Variants in LRCH2 observed in about 807,000 individuals in gnomAD.
LRCH2 encodes the protein leucine rich repeats and calponin homology domain containing 2.
LRCH2 carries 38 observed loss-of-function variants against 68.9 expected under a neutral mutation model. The ratio of observed to expected loss-of-function variants is 0.55; its 90% CI spans 0.43 to 0.72. The LOEUF (loss-of-function observed/expected upper bound fraction) is 0.72. LRCH2 is among the 30% of genes least tolerant of loss of function. LRCH2 has a pLI of 0.00. For missense variants in LRCH2, 528 were observed against 572.9 expected, an observed-to-expected ratio of 0.92 and a Z score of 0.80; for synonymous variants, 191 against 208.1, an observed-to-expected ratio of 0.92 and a Z score of 0.71.
At chrX:115,125,607 G>GTATATATATA (rs200758748) in intron 16 of LRCH2, among the ~76,000 whole-genome samples, 1 of 18,508 alleles carries the variant, frequency 5.4e-5, no homozygotes, top group Admixed American at 6.4e-4. Context: ...ATATATATAC[G>GTATATATATA]TATATATATA....
At chrX:115,159,700 G>A (rs901481474) in intron 11 of LRCH2, among the ~76,000 whole-genome samples, 4 of 104,832 alleles carry the variant, frequency 3.8e-5, no homozygotes, top group African/African-American at 1.1e-4. Context: ...GCAGTGAACC[G>A]AGATCACGCC....
rs781782796 is a variant in LRCH2 at position 115,184,452 on chromosome X, T to C, written c.580A>G (p.Ile194Val). ...LVVSNNKLVS[I>V]PEEIGKLKDL... ...TTTAACTTCCCAATTTCTTCTGGAA[T>C]GGATACCAGTTTATTATTACTGACG... Residue 194 changes from isoleucine to valine, a missense_variant, in exon 3 of 21, where the codon ATT (isoleucine) becomes GTT (valine). Coordinates refer to ENST00000317135, the MANE Select transcript of LRCH2 (RefSeq NM_020871.4). The C allele has an allele frequency of 2.3e-5, 27 of 1,183,733 alleles. No homozygotes were observed. Among genetic ancestry groups the C allele is most frequent in the Non-Finnish European group, 3.1e-5 (27 of 879,865 alleles).
intron 14 of LRCH2, among the ~76,000 whole-genome samples, chrX:115,140,547 T>A (rs2072327776): frequency 9.0e-6 from 1 of 111,463 alleles, no homozygotes; most frequent in African/African-American, 3.3e-5. Flanking sequence ...CAACAAGCAG[T>A]CTCTTGGAGT....
chrX:115,160,315 C>CA (rs1373641040), intron 11 of LRCH2, among the ~76,000 whole-genome samples: 1 of 109,087 alleles, frequency 9.2e-6, no homozygotes, highest in Non-Finnish European at 1.9e-5. Context: ...GACTCCGTCT[C>CA]AAAAAATATT....
chrX:115,159,447 T>A (rs1190288532), intron 11 of LRCH2, among the ~76,000 whole-genome samples: 5 of 109,591 alleles, frequency 4.6e-5, no homozygotes, highest in Non-Finnish European at 7.6e-5. Flanking sequence ...AAAGACTGTT[T>A]ATCAATTAAA....
At chrX:115,146,304 G>A (rs148072673) in intron 14 of LRCH2, among the ~76,000 whole-genome samples, 2 of 111,310 alleles carry the variant, frequency 1.8e-5, no homozygotes, top group East Asian at 2.8e-4. Context: ...GGAGTAGAGG[G>A]TAGGTGAAGA....
At chrX:115,221,210 A>AAAAT (rs2073081804) in intron 1 of LRCH2, among the ~76,000 whole-genome samples, 1 of 42,730 alleles carries the variant, frequency 2.3e-5, no homozygotes, top group African/African-American at 1.2e-4. Flanking sequence ...AAAAAAAAAA[A>AAAAT]ATATATATAT....
At chrX:115,123,824 T>C (rs2072163339) in intron 17 of LRCH2, 121 bp downstream of exon 17, 1 of 380,523 alleles carries the variant, frequency 2.6e-6, no homozygotes, top group Admixed American at 5.3e-5. Context: ...TAAGAGAAAA[T>C]TGCTTTTAGG....
intron 5 of LRCH2, among the ~76,000 whole-genome samples, chrX:115,173,732 T>A (rs1026600272): frequency 9.0e-6 from 1 of 111,706 alleles, no homozygotes; most frequent in Non-Finnish European, 1.9e-5. Context: ...AAGTTTGAAC[T>A]GTGCAGGTCC....
intron 15 of LRCH2, among the ~76,000 whole-genome samples, chrX:115,128,542 C>T (rs1309779466): frequency 8.9e-6 from 1 of 112,397 alleles, no homozygotes; most frequent in Non-Finnish European, 1.9e-5. Context: ...TCTTATTGTA[C>T]TGTACTCACC....
chrX:115,200,450 T>C (rs1556565717), intron 1 of LRCH2, among the ~76,000 whole-genome samples: 1 of 111,088 alleles, frequency 9.0e-6, no homozygotes, highest in African/African-American at 3.3e-5. Context: ...AGGAAATATT[T>C]CAACTGATAC....
intron 1 of LRCH2, chrX:115,189,807 C>T (rs782818723): frequency 1.7e-6 from 2 of 1,166,342 alleles, no homozygotes; most frequent in African/African-American, 3.6e-5. Context: ...AGCGACCCCC[C>T]TCTCAGGGCA....
intron 14 of LRCH2, among the ~76,000 whole-genome samples, chrX:115,146,464 T>C (rs963983534): frequency 4.5e-5 from 5 of 110,907 alleles, no homozygotes; most frequent in African/African-American, 1.3e-4. Context: ...TTTGAAGGAA[T>C]AGATACCCCA....
chrX:115,192,205 A>G (rs2072841920), intron 1 of LRCH2: 1 of 1,163,183 alleles, frequency 8.6e-7, no homozygotes, highest in Non-Finnish European at 1.1e-6. Flanking sequence ...CCGCTCGCCC[A>G]ATGCCTACGG....
intron 14 of LRCH2, among the ~76,000 whole-genome samples, chrX:115,133,280 C>T (rs1556530888): frequency 2.7e-5 from 3 of 112,060 alleles, no homozygotes; most frequent in African/African-American, 6.5e-5. Context: ...GCTCTTGCCT[C>T]TCCGATCTGC....
At chrX:115,152,368 ATGTC>A (rs2072438759) in intron 12 of LRCH2, among the ~76,000 whole-genome samples, 1 of 112,302 alleles carries the variant, frequency 8.9e-6, no homozygotes, top group South Asian at 3.7e-4. Flanking sequence ...AAAGTACACA[ATGTC>A]TGTCATTTAA....
At chrX:115,123,757 C>G (rs978267115) in intron 17 of LRCH2, among the ~76,000 whole-genome samples, 188 bp downstream of exon 17, 1 of 110,476 alleles carries the variant, frequency 9.1e-6, no homozygotes, top group Non-Finnish European at 1.9e-5. Flanking sequence ...GTTTCAGGAG[C>G]TTGAAGGTAA....
At chrX:115,151,659 C>T (rs1353686360) in intron 12 of LRCH2, among the ~76,000 whole-genome samples, 1 of 111,395 alleles carries the variant, frequency 9.0e-6, no homozygotes, top group East Asian at 2.8e-4. Context: ...GATAGGCTAA[C>T]AGTGACCAGA....
rs1556545018 is a variant in LRCH2, at chrX:115,166,306, A to C, written c.1035T>G (p.Pro345=). 1.7e-6 allele frequency: 2 copies of C among 1,194,821 alleles called. No individual in the cohort carries two copies. The highest frequency in any genetic ancestry group is 4.4e-5 in the Admixed American group (2 of 45,358). The part of the protein sequence containing the change: ...EDFYPNKNHG[P]DSGIGSDNGE... ...CATTATCACTTCCAATTCCAGAGTCAGGGCCATGATTTTTATTTGGATAAA... is the reference window on the plus strand; with the variant it reads ...CATTATCACTTCCAATTCCAGAGTCCGGGCCATGATTTTTATTTGGATAAA... Residue 345 remains proline (P), a synonymous_variant, in exon 7 of 21, where the codon CCT becomes CCG. Coordinates refer to ENST00000317135, the MANE Select transcript of LRCH2 (RefSeq NM_020871.4).
Sources: allele counts gnomAD v4.1 joint callset (sites outside exome capture counted in the v4.1 genomes callset), GRCh38; gene constraint gnomAD v4.1.1; transcripts MANE v1.5; gene names NCBI Gene and HGNC (gene_info 2026-07-23, HGNC 2026-07-21).